Variants in SP100 observed in about 807,000 individuals in gnomAD.
SP100 encodes the protein SP100 nuclear body protein, also known as nuclear autoantigen Sp-100.
In SP100, 84 loss-of-function variants were observed where a neutral mutation model predicts 130.0. The ratio of observed to expected loss-of-function variants is 0.65; its 90% confidence interval spans 0.54 to 0.77. The LOEUF (loss-of-function observed/expected upper bound fraction) is 0.77. Ranked by LOEUF, SP100 falls within the 30% of genes least tolerant of loss-of-function variation. The pLI, the probability that SP100 is intolerant of heterozygous loss-of-function variation, is 0.00. For missense variants in SP100, 978 were observed against 1,052.2 expected, an observed-to-expected ratio of 0.93 and a Z score of 0.97; for synonymous variants, 331 against 351.7, an observed-to-expected ratio of 0.94 and a Z score of 0.66.
At chr2:230,433,728 T>A (rs1170810609) in intron 2 of SP100, among the ~76,000 whole-genome samples, 5 of 151,922 alleles carry the variant, frequency 3.3e-5, no homozygotes, top group Admixed American at 1.3e-4. Context: ...TTAAATGTTT[T>A]ATTATTTTGC....
intron 11 of SP100, 56 bp from the exon 12 acceptor site, chr2:230,466,243 CAT>C (rs1452729536): frequency 1.1e-6 from 1 of 885,380 alleles, no homozygotes; most frequent in African/African-American, 1.7e-5. Flanking sequence ...TGTCAGTTGT[CAT>C]AGAATTTATA....
chr2:230,427,155 G>GTC (rs33922247), intron 2 of SP100, among the ~76,000 whole-genome samples: 18,878 of 151,652 alleles, frequency 0.12, 1,615 homozygotes, highest in Non-Finnish European at 0.19. Context: ...GCTAAAAGGA[G>GTC]TCTCTCTCTC....
rs1303852293 is a variant in SP100 at position 230,504,217 on chromosome 2, T to C, written c.1797T>C (p.Asn599=). The stretch of plus-strand genomic sequence containing the variant: ...GAATTCCCAAAGATGAAAATATTAA[T>C]TTTAAACAATCTGAACTTCCTGTGA... The part of the protein sequence containing the change: ...GPRIPKDENI[N]FKQSELPVTC... The change falls in exon 21 of 29, where the codon AAT becomes AAC. Residue 599 remains asparagine (N), a synonymous_variant. Transcript: ENST00000340126. 1.2e-6 allele frequency: 2 copies of C among 1,612,452 alleles called. No individual in the cohort carries two copies. The highest frequency in any genetic ancestry group is 1.7e-6 in the Non-Finnish European group (2 of 1,178,914).
At chr2:230,513,979 G>A (rs1690761985) in intron 24 of SP100, among the ~76,000 whole-genome samples, 1 of 152,046 alleles carries the variant, frequency 6.6e-6, no homozygotes, top group South Asian at 2.1e-4. Flanking sequence ...TTAGTCCTAA[G>A]AGTAACCAAA....
intron 17 of SP100, among the ~76,000 whole-genome samples, chr2:230,491,751 C>A (rs181138943): frequency 3.3e-5 from 5 of 152,212 alleles, no homozygotes; most frequent in Non-Finnish European, 5.9e-5. Flanking sequence ...ACAAGGATTA[C>A]AATTCAACAT....
At chr2:230,537,627 C>G (rs191358151) in intron 24 of SP100, 1 of 152,308 alleles carries the variant, frequency 6.6e-6, no homozygotes, top group African/African-American at 2.4e-5. Context: ...ACCTCCCAGC[C>G]CTTACTCAGG....
chr2:230,482,951 A>T (rs2150021600), intron 17 of SP100, among the ~76,000 whole-genome samples: 1 of 152,320 alleles, frequency 6.6e-6, no homozygotes, highest in Non-Finnish European at 1.5e-5. Context: ...TTGAAATTGC[A>T]TAGAATAAAT....
rs2064555127 is a variant in SP100 at position 230,460,748 on chromosome 2, C to T, written c.821-514C>T. Among the ~76,000 whole-genome samples the T allele has an allele frequency of 3.0e-5, 2 of 67,354 alleles. 1 individual carries two copies. The highest frequency in any genetic ancestry group is 5.8e-5 in the Non-Finnish European group (2 of 34,516). 44.2% of individuals were successfully genotyped at this position (67,354 alleles called of 152,430 possible). A position where few individuals can be genotyped will look rare whatever the true frequency, so the allele number is the denominator to read the frequency against. On this transcript the variant is annotated intron_variant, in intron 8 of 28. Coordinates refer to ENST00000340126, the MANE Select transcript of SP100 (RefSeq NM_001080391.2). Reference sequence around the variant, plus strand: ...ACGCCATTCTCCTGCCTCAGCCTCCCGAGTAGCTGGGACTACAGGCGCCCG... The same window carrying T: ...ACGCCATTCTCCTGCCTCAGCCTCCTGAGTAGCTGGGACTACAGGCGCCCG...
At chr2:230,522,374 G>A (rs975676731) in intron 24 of SP100, among the ~76,000 whole-genome samples, 22 of 151,978 alleles carry the variant, frequency 1.4e-4, no homozygotes, top group African/African-American at 5.1e-4. Context: ...GAGAAAGTGG[G>A]ATGGAGTTCC....
intron 23 of SP100, chr2:230,510,862 C>A: frequency 3.9e-6 from 2 of 514,938 alleles, no homozygotes; most frequent in Non-Finnish European, 7.0e-6. Context: ...GTTGCTCCAG[C>A]TCAGTCTCCC....
chr2:230,434,323 T>C (rs1319521200), intron 2 of SP100, among the ~76,000 whole-genome samples: 1 of 152,188 alleles, frequency 6.6e-6, no homozygotes, highest in African/African-American at 2.4e-5. Flanking sequence ...TAGGTTGTTT[T>C]CAGGTTGAGG....
intron 24 of SP100, among the ~76,000 whole-genome samples, chr2:230,535,441 T>C (rs1239164450): frequency 6.6e-6 from 1 of 152,138 alleles, no homozygotes; most frequent in African/African-American, 2.4e-5. Context: ...AATAATTTCT[T>C]ATGGATTTTT....
intron 19 of SP100, among the ~76,000 whole-genome samples, chr2:230,502,787 T>C (rs138131895): frequency 3.3e-5 from 5 of 152,222 alleles, no homozygotes; most frequent in Non-Finnish European, 5.9e-5. Context: ...AAATCTATCC[T>C]GCTGACTGTA....
At position 230,545,035 on chromosome 2, in the gene SP100, A is replaced by G. The variant is rs1212466397; in HGVS notation, c.*2089A>G. Among the ~76,000 whole-genome samples the G allele has an allele frequency of 1.3e-5, 2 of 152,234 alleles. No homozygotes were observed. The highest frequency in any genetic ancestry group is 2.9e-5 in the Non-Finnish European group (2 of 68,050). ...GGAAAGCAGTGTGGCAACTCCTCATAGTGCTAAAAGCAGAACTGCCATTCC... is the reference window on the plus strand; with the variant it reads ...GGAAAGCAGTGTGGCAACTCCTCATGGTGCTAAAAGCAGAACTGCCATTCC... On this transcript the variant is annotated 3_prime_UTR_variant, in exon 29 of 29. Transcript: ENST00000340126.
intron 1 of SP100, among the ~76,000 whole-genome samples, chr2:230,417,223 A>G (rs1454175653): frequency 6.6e-6 from 1 of 152,044 alleles, no homozygotes. Context: ...TAAATACGTA[A>G]TTTATGTTCT....
At chr2:230,447,012 G>A (rs2063739478) in intron 5 of SP100, 110 bp downstream of exon 5, 4 of 661,718 alleles carry the variant, frequency 6.0e-6, no homozygotes, top group East Asian at 2.9e-5. Context: ...GAGAAGTCAA[G>A]GAGAGAGTTA....
rs780592499 is a variant in SP100, at chr2:230,540,862, G to A, written c.2211-14G>A. The A allele has an allele frequency of 1.2e-6, 2 of 1,607,774 alleles. No individual in the cohort carries two copies. Among genetic ancestry groups the A allele is most frequent in the Non-Finnish European group, 1.7e-6 (2 of 1,176,038 alleles). Reference sequence around the variant, plus strand: ...CAGAACCTGCCATTGCTCACTTTATGCCCCATCTCTCAGGAACCCGTGGAG... The same window carrying A: ...CAGAACCTGCCATTGCTCACTTTATACCCCATCTCTCAGGAACCCGTGGAG... On this transcript the variant is annotated splice_polypyrimidine_tract_variant and intron_variant, in intron 25 of 28. Transcript: ENST00000340126.
chr2:230,421,386 C>T (rs1019816535), intron 2 of SP100, among the ~76,000 whole-genome samples: 7 of 152,128 alleles, frequency 4.6e-5, no homozygotes, highest in African/African-American at 1.7e-4. Flanking sequence ...CTTGACATCT[C>T]TCCTGTGTTG....
At chr2:230,418,329 T>A (rs1294103585) in intron 2 of SP100, among the ~76,000 whole-genome samples, 1 of 152,202 alleles carries the variant, frequency 6.6e-6, no homozygotes, top group African/African-American at 2.4e-5. Context: ...TGAGGAGGGA[T>A]CTTAATTGGT....
Sources: allele counts gnomAD v4.1 joint callset (sites outside exome capture counted in the v4.1 genomes callset), GRCh38; gene constraint gnomAD v4.1.1; transcripts MANE v1.5; gene names NCBI Gene and HGNC (gene_info 2026-07-23, HGNC 2026-07-21).